Variants in VSIG1 observed in about 807,000 individuals in gnomAD.
VSIG1 encodes the protein V-set and immunoglobulin domain-containing protein 1.
In VSIG1, 11 loss-of-function variants were observed where a neutral mutation model predicts 20.1. That is an observed-to-expected ratio of 0.55 (90% CI 0.34 to 0.91). VSIG1 has a LOEUF of 0.91. Ranked by LOEUF, VSIG1 falls within the 40% of genes least tolerant of loss-of-function variation. The pLI is 0.02. For synonymous variants in VSIG1, 126 were observed against 116.7 expected, an observed-to-expected ratio of 1.08 and a Z score of -0.52; for missense variants, 283 against 298.8, an observed-to-expected ratio of 0.95 and a Z score of 0.39.
the VSIG1 span, among the ~76,000 whole-genome samples, chrX:108,023,919 T>C: frequency 8.9e-6 from 1 of 111,749 alleles, no homozygotes; most frequent in South Asian, 3.8e-4. Flanking sequence ...GAACGCTTCC[T>C]AGTTGTCTGG....
the VSIG1 span, among the ~76,000 whole-genome samples, chrX:108,035,866 T>A: frequency 0.35 from 36,978 of 106,911 alleles, 5,217 homozygotes; most frequent in Non-Finnish European, 0.41. Flanking sequence ...GGTAAGGGCA[T>A]GGGCTTTGGA....
intron 2 of VSIG1, among the ~76,000 whole-genome samples, chrX:108,062,463 T>G (rs1437848820): frequency 8.9e-6 from 1 of 111,790 alleles, no homozygotes; most frequent in Non-Finnish European, 1.9e-5. Flanking sequence ...TTATGTATTG[T>G]GTCCCATTCA....
chrX:108,067,265 G>A, intron 3 of VSIG1, 131 bp downstream of exon 3: 1 of 703,006 alleles, frequency 1.4e-6, no homozygotes, highest in Non-Finnish European at 2.1e-6. Flanking sequence ...CATTATCAGG[G>A]AAATAGAGAC....
the VSIG1 span, among the ~76,000 whole-genome samples, chrX:108,035,068 T>C: frequency 8.9e-6 from 1 of 112,346 alleles, no homozygotes; most frequent in South Asian, 3.7e-4. Flanking sequence ...GTCTACTTTG[T>C]ACACTCCTTC....
At chrX:108,068,469 T>C (rs1269363171) in intron 3 of VSIG1, among the ~76,000 whole-genome samples, 1 of 111,647 alleles carries the variant, frequency 9.0e-6, no homozygotes, top group East Asian at 2.8e-4. Flanking sequence ...CTGCAGGCTG[T>C]ACAGGAAGCA....
Position 108,073,272 on chromosome X carries a change from C to T in VSIG1, c.591C>T (p.Val197=). The T allele has an allele frequency of 8.3e-7, 1 of 1,211,106 alleles. No homozygotes were observed. Among genetic ancestry groups the T allele is most frequent in the Non-Finnish European group, 1.1e-6 (1 of 895,093 alleles). Residue 197 remains valine, a synonymous_variant, in exon 5 of 7, where the codon GTC becomes GTT. Coordinates refer to ENST00000217957, the MANE Select transcript of VSIG1 (RefSeq NM_182607.5). The stretch of plus-strand genomic sequence containing the variant: ...CAGACCCAACCACCGGGATTTTGGT[C>T]ATTGGAAATCTGACAAATTTTGAAC... ...ENFNPTTGIL[V]IGNLTNFEQG... is the part of the protein sequence containing the mutation.
At chrX:108,019,202 T>G in the VSIG1 span, among the ~76,000 whole-genome samples, 3 of 111,806 alleles carry the variant, frequency 2.7e-5, no homozygotes, top group Non-Finnish European at 3.8e-5. Flanking sequence ...TGAGTGGCAA[T>G]GTGCAAGTGG....
chrX:108,072,535 G>A lies in VSIG1; in HGVS notation c.413-142G>A, dbSNP rs781609799. ...TCCAAATTGCTGGGATTACAGGCAT[G>A]AGCCACTGCGCCTGGCCAAGAATTT... On this transcript the variant is annotated intron_variant, in intron 3 of 6. Transcript: ENST00000217957. 4.9e-5 allele frequency: 28 copies of A among 575,610 alleles called. No individual in the cohort carries two copies. In the East Asian group the frequency reaches 7.0e-4, roughly 14 times the overall value. 47.4% of individuals were successfully genotyped at this position (575,610 alleles called of 1,213,427 possible).
At chrX:108,041,852 A>G (rs6622287), upstream of VSIG1, among the ~76,000 whole-genome samples, 109 of 107,388 alleles carry the variant, frequency 1.0e-3, 1 homozygote, top group East Asian at 0.029. Context: ...TTGTTACATT[A>G]CAATCACACC....
At chrX:108,052,971 A>ATAT (rs905761975) in intron 1 of VSIG1, among the ~76,000 whole-genome samples, 3 of 111,510 alleles carry the variant, frequency 2.7e-5, no homozygotes, top group African/African-American at 9.8e-5. Flanking sequence ...GAACTGTAAA[A>ATAT]TAAAATAACA....
In VSIG1 at chrX:108,077,456, C is replaced by A; in HGVS notation, c.*75C>A. The A allele has an allele frequency of 9.4e-7, 1 of 1,062,771 alleles. No individual in the cohort carries two copies. Among genetic ancestry groups the A allele is most frequent in the South Asian group, 2.3e-5 (1 of 44,268 alleles). 87.6% of individuals were successfully genotyped at this position (1,062,771 alleles called of 1,213,427 possible). ...TTTGGAATTCAAATAACCTAACCAA[C>A]CTCCACCTCCTCCTTCCATTTTGAC... is the stretch of plus-strand genomic sequence containing the variant. On this transcript the variant is annotated 3_prime_UTR_variant, in exon 7 of 7. Transcript: ENST00000217957.
chrX:108,061,986 C>T lies in VSIG1; in HGVS notation c.213+3785C>T, dbSNP rs183966230. Among the ~76,000 whole-genome samples, 87 of 109,782 alleles carry T rather than the reference C, an allele frequency of 7.9e-4. 3 individuals are homozygous for T. The East Asian group carries it at 0.023, about 30-fold the overall frequency. ...ATGGTCCTTCTCTCAGAGAAACATT[C>T]CTCTCAGAAAATATGAACAGCTTTA... On this transcript the variant is annotated intron_variant, in intron 2 of 6. Transcript: ENST00000217957.
chrX:108,068,645 C>T (rs2031180687), intron 3 of VSIG1, among the ~76,000 whole-genome samples: 2 of 111,602 alleles, frequency 1.8e-5, no homozygotes, highest in African/African-American at 3.3e-5. Context: ...AGATCAGCAC[C>T]GAGGGGGAAA....
the VSIG1 span, among the ~76,000 whole-genome samples, chrX:108,022,198 T>C: frequency 1.8e-5 from 2 of 112,091 alleles, no homozygotes; most frequent in Non-Finnish European, 3.8e-5. Flanking sequence ...TGCCTTTCCA[T>C]TTATTTAGGT....
intron 1 of VSIG1, among the ~76,000 whole-genome samples, chrX:108,056,849 A>G (rs2030910489): frequency 8.9e-6 from 1 of 112,054 alleles, no homozygotes; most frequent in African/African-American, 3.2e-5. Flanking sequence ...AAAATAAAAT[A>G]AAATATGCAA....
the VSIG1 span, among the ~76,000 whole-genome samples, chrX:108,024,105 A>G: frequency 9.8e-5 from 11 of 111,909 alleles, no homozygotes; most frequent in Non-Finnish European, 1.5e-4. Context: ...ATCTGCAAAA[A>G]CATAGTTAGA....
rs1218673326 is a variant in VSIG1 at position 108,047,873 on chromosome X, CATAT to C, written c.49+2704_49+2707del. On this transcript the variant is annotated intron_variant, in intron 1 of 6. Coordinates refer to ENST00000217957, the MANE Select transcript of VSIG1 (RefSeq NM_182607.5). ...ATATATATACACATATATATATACA[CATAT>C]ATATATATACACACATATATATATA... Among the ~76,000 whole-genome samples the C allele has an allele frequency of 7.2e-4, 18 of 25,039 alleles. 3 individuals are homozygous for C. Among genetic ancestry groups the C allele is most frequent in the African/African-American group, 4.1e-3 (16 of 3,920 alleles). The allele number at this position is 25,039 out of a possible 115,157, so 21.7% of individuals were successfully genotyped here.
rs771213346 is a variant in VSIG1, at chrX:108,047,160, C to T, written c.49+1981C>T. On this transcript the variant is annotated intron_variant, in intron 1 of 6. Transcript: ENST00000217957. ...GAGAATGTCACTTTTTGGTGTTAAGCGTGGTGCCTAACACATAGTGGATGC... is the reference window on the plus strand; with the variant it reads ...GAGAATGTCACTTTTTGGTGTTAAGTGTGGTGCCTAACACATAGTGGATGC... 1.2e-4 allele frequency among the ~76,000 whole-genome samples: 13 copies of T among 111,254 alleles called. 1 individual carries two copies. The highest frequency in any genetic ancestry group is 2.8e-4 in the East Asian group (1 of 3,550).
rs570626094 is a variant in VSIG1 at position 108,052,348 on chromosome X, C to T, written c.50-5690C>T. 6.8e-4 allele frequency among the ~76,000 whole-genome samples: 76 copies of T among 111,619 alleles called. 1 individual carries two copies. The South Asian group carries it at 0.027, about 40-fold the overall frequency. On this transcript the variant is annotated intron_variant, in intron 1 of 6. Transcript: ENST00000217957. ...ATGTGGTGGCTCATGCCTGTAATCCCGCCACTTTGGGAGGCCAAGGAAGGT... is the reference window on the plus strand; with the variant it reads ...ATGTGGTGGCTCATGCCTGTAATCCTGCCACTTTGGGAGGCCAAGGAAGGT...
Sources: gnomAD v4.1 joint callset for allele counts (sites outside exome capture counted in the v4.1 genomes callset) on GRCh38, gnomAD v4.1.1 for gene constraint, MANE v1.5 for transcripts, NCBI Gene and HGNC (gene_info 2026-07-23, HGNC 2026-07-21) for gene names.